The following ADAM23 variants were observed in gnomAD, a reference collection of about 807,000 sequenced individuals.
ADAM23 encodes disintegrin and metalloproteinase domain-containing protein 23.
A neutral mutation model predicts 120.1 loss-of-function variants in ADAM23; 33 were observed. That is an observed-to-expected ratio of 0.27 (90% CI 0.21 to 0.37). The LOEUF is 0.37. ADAM23 is among the 10% of genes least tolerant of loss of function. The pLI, the probability that ADAM23 is intolerant of heterozygous loss-of-function variation, is 1.00. For synonymous variants in ADAM23, 367 were observed against 375.2 expected, an observed-to-expected ratio of 0.98 and a Z score of 0.25; for missense variants, 862 against 1,058.2, an observed-to-expected ratio of 0.81 and a Z score of 2.57.
intron 6 of ADAM23, among the ~76,000 whole-genome samples, chr2:206,546,095 T>A (rs1242582942): frequency 2.0e-5 from 3 of 152,230 alleles, no homozygotes; most frequent in East Asian, 3.8e-4. Flanking sequence ...ATTGTTTACT[T>A]GTGATCATAT....
chr2:206,563,544 G>T (rs1697813528), intron 13 of ADAM23, among the ~76,000 whole-genome samples: 1 of 151,948 alleles, frequency 6.6e-6, no homozygotes, highest in South Asian at 2.1e-4. Context: ...TCACCATCTG[G>T]CATAAACACC....
intron 2 of ADAM23, among the ~76,000 whole-genome samples, chr2:206,480,394 G>C (rs1695872007): frequency 6.6e-6 from 1 of 151,840 alleles, no homozygotes; most frequent in Admixed American, 6.6e-5. Flanking sequence ...CCTTAGGAAT[G>C]CAATTCTGGA....
chr2:206,471,448 G>C (rs1332260025), intron 2 of ADAM23, among the ~76,000 whole-genome samples: 3 of 152,100 alleles, frequency 2.0e-5, no homozygotes, highest in African/African-American at 7.2e-5. Flanking sequence ...TAGGGAAGTA[G>C]GACTCCTTAA....
intron 19 of ADAM23, among the ~76,000 whole-genome samples, chr2:206,587,595 T>G (rs1258412436): frequency 6.7e-6 from 1 of 149,926 alleles, no homozygotes; most frequent in African/African-American, 2.4e-5. Flanking sequence ...AAAAAAAGAA[T>G]GTAATGGCTG....
intron 4 of ADAM23, among the ~76,000 whole-genome samples, chr2:206,536,064 G>A (rs1697167128): frequency 6.6e-6 from 1 of 152,148 alleles, no homozygotes; most frequent in African/African-American, 2.4e-5. Flanking sequence ...AATCCTTTAG[G>A]ATTGGTCTTG....
rs563194431 is a variant in ADAM23 at position 206,536,790 on chromosome 2, C to G, written c.574-5262C>G. Among the ~76,000 whole-genome samples the G allele has an allele frequency of 4.6e-5, 7 of 152,222 alleles. 1 individual carries two copies. The East Asian group carries it at 1.4e-3, about 29-fold the overall frequency. On this transcript the variant is annotated intron_variant, in intron 4 of 25. Coordinates refer to ENST00000264377, the MANE Select transcript of ADAM23 (RefSeq NM_003812.4). ...GTGCAATCTTAGCTCACTGCAACCT[C>G]TATTTCCTGGGTTCAAGAGATTCTC... is the stretch of plus-strand genomic sequence containing the variant.
intron 9 of ADAM23, among the ~76,000 whole-genome samples, chr2:206,552,140 C>T (rs2105815133): frequency 6.6e-6 from 1 of 152,064 alleles, no homozygotes; most frequent in Middle Eastern, 3.4e-3. Context: ...GAAGCCTAAG[C>T]TTTTTTCAAC....
At chr2:206,590,178 A>G (rs1323498463) in intron 21 of ADAM23, among the ~76,000 whole-genome samples, 1 of 151,484 alleles carries the variant, frequency 6.6e-6, no homozygotes, top group East Asian at 1.9e-4. Context: ...GCTCACTGCG[A>G]CCTCCACCTC....
chr2:206,496,389 T>C (rs573463337), intron 3 of ADAM23, among the ~76,000 whole-genome samples: 112 of 152,148 alleles, frequency 7.4e-4, no homozygotes, highest in African/African-American at 2.5e-3. Flanking sequence ...AACAACCTGC[T>C]CCTGAATAAC....
In ADAM23 at chr2:206,587,979, G is replaced by T. The variant is rs974254755; in HGVS notation, c.1789-112G>T. The T allele has an allele frequency of 4.9e-6, 5 of 1,016,676 alleles. No homozygotes were observed. In the African/African-American group the frequency reaches 6.4e-5, roughly 13 times the overall value. The allele number at this position is 1,016,676 out of a possible 1,614,324, so 63.0% of individuals were successfully genotyped here. Reference sequence around the variant, plus strand: ...TTACTGGTCACTATAAAAATATTAGGGTATGAAATGAAAAAACTTTATCCA... The same window carrying T: ...TTACTGGTCACTATAAAAATATTAGTGTATGAAATGAAAAAACTTTATCCA... On this transcript the variant is annotated intron_variant, in intron 19 of 25. Transcript: ENST00000264377.
chr2:206,590,259 G>A (rs948850213), intron 21 of ADAM23, among the ~76,000 whole-genome samples: 2 of 151,952 alleles, frequency 1.3e-5, no homozygotes, highest in Non-Finnish European at 2.9e-5. Flanking sequence ...CACCATGCCC[G>A]GCTACTTTTT....
chr2:206,572,710 A>G lies in ADAM23; in HGVS notation c.1657-405A>G, dbSNP rs547466806. On this transcript the variant is annotated intron_variant, in intron 17 of 25. Transcript: ENST00000264377. ...TGTGTTTAGCAAAAGAAAGTTTAAT[A>G]TCTATGCTAATAGGTAATTCAGTGA... Among the ~76,000 whole-genome samples the G allele has an allele frequency of 4.6e-5, 7 of 152,354 alleles. No individual in the cohort carries two copies. The South Asian group carries it at 1.5e-3, about 32-fold the overall frequency.
chr2:206,549,970 G>T, intron 8 of ADAM23, 125 bp from the exon 9 acceptor site: 1 of 492,030 alleles, frequency 2.0e-6, no homozygotes, highest in Non-Finnish European at 3.5e-6. Flanking sequence ...TTCTTCTAAG[G>T]TGTTTATAAA....
At chr2:206,616,226 T>C (rs760431754) in intron 25 of ADAM23, among the ~76,000 whole-genome samples, 1 of 152,198 alleles carries the variant, frequency 6.6e-6, no homozygotes, top group Non-Finnish European at 1.5e-5. Flanking sequence ...GGATGCATTA[T>C]GGGATACTTG....
chr2:206,595,682 C>G (rs949051921), intron 23 of ADAM23, among the ~76,000 whole-genome samples: 5 of 152,102 alleles, frequency 3.3e-5, no homozygotes. Flanking sequence ...TTCCTAGAAA[C>G]AGTTACTTCT....
chr2:206,544,882 A>T (rs767908135), intron 6 of ADAM23, among the ~76,000 whole-genome samples: 1 of 152,124 alleles, frequency 6.6e-6, no homozygotes, highest in Non-Finnish European at 1.5e-5. Flanking sequence ...AGAGAAGACA[A>T]GTGGTGAATG....
chr2:206,536,431 G>A (rs1033855422), intron 4 of ADAM23, among the ~76,000 whole-genome samples: 1 of 151,274 alleles, frequency 6.6e-6, no homozygotes, highest in Admixed American at 6.6e-5. Flanking sequence ...GCAGGAGGTG[G>A]AGGGGTGGGA....
At chr2:206,526,159 C>G (rs920303855) in intron 3 of ADAM23, among the ~76,000 whole-genome samples, 17 of 150,818 alleles carry the variant, frequency 1.1e-4, no homozygotes, top group Non-Finnish European at 1.8e-4. Flanking sequence ...CACACACACA[C>G]ACACACACAC....
intron 15 of ADAM23, among the ~76,000 whole-genome samples, chr2:206,569,855 C>T (rs992170124): frequency 3.3e-5 from 5 of 152,118 alleles, no homozygotes; most frequent in African/African-American, 9.7e-5. Flanking sequence ...TGGAAGGCAG[C>T]GCTTCCTTGA....
Sources: allele counts gnomAD v4.1 joint callset (sites outside exome capture counted in the v4.1 genomes callset), GRCh38; gene constraint gnomAD v4.1.1; transcripts MANE v1.5; gene names NCBI Gene and HGNC (gene_info 2026-07-23, HGNC 2026-07-21).